Variants in MRM1 observed in about 807,000 individuals in gnomAD.
MRM1 encodes the protein rRNA methyltransferase 1, mitochondrial.
A neutral mutation model predicts 25.0 loss-of-function variants in MRM1; 24 were observed. The ratio of observed to expected loss-of-function variants is 0.96; its 90% CI spans 0.69 to 1.35. The LOEUF (loss-of-function observed/expected upper bound fraction) is 1.35, where lower values mean the gene tolerates loss of function less well. Among genes scored for constraint, MRM1 ranks in the 40% most tolerant of loss-of-function variants. The pLI is 0.00. For synonymous variants in MRM1, 188 were observed against 199.2 expected (o/e 0.94, Z 0.47); for missense variants, 431 against 464.1 (o/e 0.93, Z 0.65).
At chr17:36,614,247 TG>T in the MRM1 span, among the ~76,000 whole-genome samples, 2 of 152,108 alleles carry the variant, frequency 1.3e-5, no homozygotes, top group Non-Finnish European at 2.9e-5. Flanking sequence ...GAATCACTCC[TG>T]GGTCTGTTTG....
At chr17:36,604,815 G>A (rs1353398083) in intron 2 of MRM1, among the ~76,000 whole-genome samples, 2 of 149,828 alleles carry the variant, frequency 1.3e-5, no homozygotes, top group Non-Finnish European at 3.0e-5. Flanking sequence ...AAAAAAAAGA[G>A]ATGAGGTCTT....
the MRM1 span, among the ~76,000 whole-genome samples, chr17:36,627,779 T>A: frequency 2.1e-5 from 3 of 142,962 alleles, no homozygotes; most frequent in African/African-American, 7.8e-5. Context: ...ATTCAAGCAA[T>A]TCTCCTGCCT....
chr17:36,603,095 T>C, intron 2 of MRM1: 1 of 985,404 alleles, frequency 1.0e-6, no homozygotes, highest in Non-Finnish European at 1.2e-6. Flanking sequence ...CATCCGTTTG[T>C]CTTCAGCTGT....
chr17:36,620,059 A>G, the MRM1 span, among the ~76,000 whole-genome samples: 1 of 151,848 alleles, frequency 6.6e-6, no homozygotes, highest in Non-Finnish European at 1.5e-5. Flanking sequence ...CTTTTTTGCT[A>G]TTGAGTTGTA....
chr17:36,609,925 C>T (rs954755938), downstream of MRM1, among the ~76,000 whole-genome samples: 2 of 152,108 alleles, frequency 1.3e-5, no homozygotes, highest in East Asian at 1.9e-4. Context: ...TTAAAAAGGG[C>T]CTATGCTCCT....
rs200927938 is a variant in MRM1 at position 36,601,827 on chromosome 17, C to T, written c.17C>T (p.Thr6Ile). The T allele has an allele frequency of 3.3e-5, 52 of 1,572,242 alleles. No individual in the cohort carries two copies. Among genetic ancestry groups the T allele is most frequent in the Middle Eastern group, 3.4e-4 (2 of 5,804 alleles). Reference protein sequence around the residue: MALLSTVRGATWGRLV... With the variant: MALLSIVRGATWGRLV... Reference sequence around the variant, plus strand: ...AGCTGCGCCATGGCATTGCTCTCGACCGTCCGGGGCGCGACCTGGGGTCGC... The same window carrying T: ...AGCTGCGCCATGGCATTGCTCTCGATCGTCCGGGGCGCGACCTGGGGTCGC... The change falls in exon 1 of 5, where the codon ACC (threonine) becomes ATC (isoleucine). Residue 6 changes from threonine to isoleucine, a missense_variant. By Grantham distance (89) the Thr-to-Ile change is moderately conservative. Transcript: ENST00000614766.
chr17:36,602,031 T>C lies in MRM1; in HGVS notation c.221T>C (p.Leu74Pro). The C allele has an allele frequency of 6.2e-7, 1 of 1,610,698 alleles. No homozygotes were observed. The highest frequency in any genetic ancestry group is 8.5e-7 in the Non-Finnish European group (1 of 1,178,792). ...AARRSVARLL[L>P]QAGKAGLQGK... ...CGCCGCTCTGTGGCCCGGCTCCTGCTCCAGGCGGGTAAAGCTGGGCTGCAG... is the reference window on the plus strand; with the variant it reads ...CGCCGCTCTGTGGCCCGGCTCCTGCCCCAGGCGGGTAAAGCTGGGCTGCAG... Residue 74 changes from leucine to proline, a missense_variant, in exon 1 of 5, where the codon CTC (leucine) becomes CCC (proline). Physicochemically the swap from Leu to Pro is moderately conservative, Grantham distance 98. Coordinates refer to ENST00000614766, the MANE Select transcript of MRM1 (RefSeq NM_024864.5). This position sits in a 1 kb window ranked among gnomAD's most constrained non-coding sequence, Gnocchi z 4.1.
chr17:36,615,912 G>A, the MRM1 span, among the ~76,000 whole-genome samples: 58 of 152,084 alleles, frequency 3.8e-4, no homozygotes, highest in African/African-American at 1.4e-3. Context: ...AGAATCACTT[G>A]AACCTGGGAG....
At chr17:36,605,814 T>C (rs1206829262) in intron 2 of MRM1, among the ~76,000 whole-genome samples, 1 of 152,128 alleles carries the variant, frequency 6.6e-6, no homozygotes, top group Non-Finnish European at 1.5e-5. Flanking sequence ...TTTCCACTGC[T>C]ACCACTCTGG....
intron 2 of MRM1, chr17:36,603,221 G>C (rs1425673474): frequency 1.1e-5 from 11 of 984,888 alleles, no homozygotes; most frequent in Admixed American, 6.2e-5. Flanking sequence ...TCTTAAGAAG[G>C]GGGAGAGCTC....
chr17:36,601,925 C>A lies in MRM1; in HGVS notation c.115C>A (p.Leu39Met). The change falls in exon 1 of 5, where the codon CTG (leucine) becomes ATG (methionine). Residue 39 changes from leucine (L) to methionine (M), a missense_variant. By Grantham distance (15) the Leu-to-Met change is conservative (BLOSUM62 2). Transcript: ENST00000614766. ...RPGGEELSRL[L>M]LDDLVPTSRL... ...TGGTGGGGAGGAGCTAAGCCGCTTG[C>A]TGCTGGATGACCTGGTGCCGACCTC... 6.2e-7 allele frequency: 1 copy of A among 1,612,816 alleles called. No individual in the cohort carries two copies. Among genetic ancestry groups the A allele is most frequent in the Non-Finnish European group, 8.5e-7 (1 of 1,179,870 alleles).
chr17:36,614,235 T>C, the MRM1 span, among the ~76,000 whole-genome samples: 3 of 151,944 alleles, frequency 2.0e-5, no homozygotes, highest in East Asian at 5.8e-4. Flanking sequence ...GGTGTCAGAT[T>C]GGAATCACTC....
rs748347544 is a variant in MRM1, at chr17:36,602,271, A to T, written c.461A>T (p.Gln154Leu). The T allele has an allele frequency of 6.2e-7, 1 of 1,603,720 alleles. No homozygotes were observed. The highest frequency in any genetic ancestry group is 1.3e-5 in the African/African-American group (1 of 74,744). The change falls in exon 1 of 5, where the codon CAG (glutamine) becomes CTG (leucine). Residue 154 changes from glutamine (Q) to leucine (L), a missense_variant. By Grantham distance (113) the Gln-to-Leu change is moderately radical. Coordinates refer to ENST00000614766, the MANE Select transcript of MRM1 (RefSeq NM_024864.5). This position sits in a 1 kb window ranked among gnomAD's most constrained non-coding sequence, Gnocchi z 4.1. ...TTGTGGCTCGTCCTCGATGGGATCC[A>T]GGATCCCCGGAATTTTGGGGCTGTG... Reference protein sequence around the residue: ...QQLWLVLDGIQDPRNFGAVLR... With the variant: ...QQLWLVLDGILDPRNFGAVLR...
chr17:36,609,079 A>T (rs1384393575), downstream of MRM1: 3 of 152,250 alleles, frequency 2.0e-5, no homozygotes, highest in East Asian at 1.9e-4. Flanking sequence ...GCCCCATGAG[A>T]GGCGACGGGA....
downstream of MRM1, among the ~76,000 whole-genome samples, chr17:36,613,014 G>C (rs930326238): frequency 6.6e-6 from 1 of 152,098 alleles, no homozygotes; most frequent in African/African-American, 2.4e-5. Context: ...GAGAGGGGTT[G>C]GAATGACATT....
At chr17:36,625,462 C>CTTTTT in the MRM1 span, among the ~76,000 whole-genome samples, 352 of 101,978 alleles carry the variant, frequency 3.5e-3, 34 homozygotes, top group South Asian at 0.017. Context: ...CCTCCTCCTC[C>CTTTTT]TTTTTTTTTT....
the MRM1 span, among the ~76,000 whole-genome samples, chr17:36,618,103 C>G: frequency 2.6e-5 from 4 of 152,134 alleles, no homozygotes; most frequent in East Asian, 3.9e-4. Context: ...GTTCTCCCCC[C>G]ACACTTGAGG....
chr17:36,607,358 C>T (rs1345822602), intron 2 of MRM1, among the ~76,000 whole-genome samples: 1 of 152,004 alleles, frequency 6.6e-6, no homozygotes, highest in Non-Finnish European at 1.5e-5. Context: ...TGGTGGCTGA[C>T]GCTTGTAATC....
At chr17:36,606,069 T>A (rs2074925892) in intron 2 of MRM1, among the ~76,000 whole-genome samples, 1 of 152,184 alleles carries the variant, frequency 6.6e-6, no homozygotes, top group African/African-American at 2.4e-5. Flanking sequence ...TTGACGCCTC[T>A]CTTCCCACTG....
Sources: allele counts gnomAD v4.1 joint callset (sites outside exome capture counted in the v4.1 genomes callset), GRCh38; gene constraint gnomAD v4.1.1; non-coding constraint Gnocchi (gnomAD v3.1); transcripts MANE v1.5; gene names NCBI Gene and HGNC (gene_info 2026-07-23, HGNC 2026-07-21).